RGS4: variants seen among roughly 807,000 people sequenced by gnomAD.
RGS4 encodes schizophrenia disorder 9.
A neutral mutation model predicts 21.6 loss-of-function variants in RGS4; 15 were observed. The observed-to-expected ratio is 0.69, with a 90% CI of 0.46 to 1.07. RGS4 has a LOEUF of 1.07. Among genes scored for constraint, RGS4 ranks in the 50% least tolerant of loss-of-function variants. The probability of loss-of-function intolerance (pLI) is 0.00; values close to 1 mark genes in which losing one functional copy is unlikely to be tolerated. For synonymous variants in RGS4, 94 were observed against 85.5 expected (o/e 1.10, Z -0.55); for missense variants, 237 against 239.0 (o/e 0.99, Z 0.06).
In RGS4 at chr1:163,072,475, A is replaced by C; in HGVS notation, c.125A>C (p.Lys42Thr). 8 of 1,612,838 alleles carry C rather than the reference A, an allele frequency of 5.0e-6. No individual in the cohort carries two copies. The highest frequency in any genetic ancestry group is 6.8e-6 in the Non-Finnish European group (8 of 1,179,098). ...SCEHNSSHNKKDKVVICQRVS... is the reference protein window; with the variant it reads ...SCEHNSSHNKTDKVVICQRVS... ...GAACACAATTCTTCCCACAACAAGA[A>C]GGACAAAGTGGTTATTTGCCAGAGG... is the stretch of plus-strand genomic sequence containing the variant. The change falls in exon 2 of 5, where the codon AAG becomes ACG. Residue 42 changes from lysine to threonine, a missense_variant. Physicochemically the swap from Lys to Thr is moderately conservative, Grantham distance 78. Transcript: ENST00000367909.
chr1:163,074,957 A>G lies in RGS4; in HGVS notation c.*397A>G. The G allele has an allele frequency of 8.0e-6, 4 of 501,522 alleles. No individual in the cohort carries two copies. Among genetic ancestry groups the G allele is most frequent in the Non-Finnish European group, 1.4e-5 (4 of 280,224 alleles). The allele number at this position is 501,522 out of a possible 1,614,324, so 31.1% of individuals were successfully genotyped here. On this transcript the variant is annotated 3_prime_UTR_variant, in exon 5 of 5. Transcript: ENST00000367909. The stretch of plus-strand genomic sequence containing the variant: ...TTCTGTTGGCCAGCACGTTCTCCAG[A>G]CTCTAGATGTTTAGATGAGGTTGAG...
chr1:163,073,483 T>C lies in RGS4; in HGVS notation c.239T>C (p.Leu80Ser), dbSNP rs755719218. ...ECGLAAFKAF[L>S]KSEYSEENID... ...GGGCTGGCAGCTTTCAAAGCTTTCT[T>C]GAAGTCTGAATATAGTGAGGAGAAT... The change falls in exon 4 of 5, where the codon TTG (leucine) becomes TCG (serine). Residue 80 changes from leucine to serine, a missense_variant. Physicochemically the swap from Leu to Ser is moderately radical, Grantham distance 145. Coordinates refer to ENST00000367909, the MANE Select transcript of RGS4 (RefSeq NM_005613.6). The C allele has an allele frequency of 6.3e-7, 1 of 1,591,840 alleles. No individual in the cohort carries two copies. Among genetic ancestry groups the C allele is most frequent in the Admixed American group, 1.9e-5 (1 of 53,688 alleles).
At position 163,072,384 on chromosome 1, in the gene RGS4, C is replaced by A; in HGVS notation, c.45-11C>A. The A allele has an allele frequency of 1.3e-6, 2 of 1,594,852 alleles. No individual in the cohort carries two copies. The highest frequency in any genetic ancestry group is 1.7e-6 in the Non-Finnish European group (2 of 1,164,136). ...TATTACTATTTATTCATTTTTTTCT[C>A]TTCTGTGCAGTGCAAAAGATATGAA... On this transcript the variant is annotated splice_polypyrimidine_tract_variant and intron_variant, in intron 1 of 4. Transcript: ENST00000367909.
chr1:163,074,263 A>C, intron 4 of RGS4, 58 bp from the exon 5 acceptor site: 1 of 1,605,538 alleles, frequency 6.2e-7, no homozygotes, highest in Non-Finnish European at 8.5e-7. Context: ...CAAAGCATAC[A>C]GGCTTGCATC....
At position 163,074,748 on chromosome 1, in the gene RGS4, A is replaced by G; in HGVS notation, c.*188A>G. 1.2e-6 allele frequency: 1 copy of G among 850,716 alleles called. No homozygotes were observed. Among genetic ancestry groups the G allele is most frequent in the Non-Finnish European group, 1.9e-6 (1 of 524,636 alleles). 52.7% of individuals were successfully genotyped at this position (850,716 alleles called of 1,614,324 possible). On this transcript the variant is annotated 3_prime_UTR_variant, in exon 5 of 5. Transcript: ENST00000367909. ...AGCTTTTGGTGTTTGAGTGTTCATC[A>G]GGGTGGGACCCCATTCCAGTCCAAT...
At chr1:163,073,649 T>C in intron 4 of RGS4, 27 bp downstream of exon 4, 2 of 1,470,138 alleles carry the variant, frequency 1.4e-6, no homozygotes, top group Non-Finnish European at 1.9e-6. Flanking sequence ...TACATAAAAA[T>C]TGTACGTATT....
chr1:163,069,608 C>A, intron 1 of RGS4, 80 bp downstream of exon 1: 2 of 1,182,256 alleles, frequency 1.7e-6, no homozygotes, highest in South Asian at 1.4e-5. Flanking sequence ...ACTTACTAAC[C>A]TAGTTCTGTG....
chr1:163,072,850 C>A lies in RGS4; in HGVS notation c.195C>A (p.Asn65Lys), dbSNP rs764391130. The A allele has an allele frequency of 1.2e-6, 2 of 1,613,028 alleles. No homozygotes were observed. Among genetic ancestry groups the A allele is most frequent in the East Asian group, 4.5e-5 (2 of 44,802 alleles). ...AGAAATGGGCTGAATCACTGGAAAA[C>A]CTGATTAGTCATGAATGTAAGTCTG... Reference protein sequence around the residue: ...EVKKWAESLENLISHECGLAA... With the variant: ...EVKKWAESLEKLISHECGLAA... The change falls in exon 3 of 5, where the codon AAC becomes AAA. Residue 65 changes from asparagine (N) to lysine (K), a missense_variant. Transcript: ENST00000367909.
intron 1 of RGS4, among the ~76,000 whole-genome samples, chr1:163,071,744 C>A (rs891512628): frequency 6.7e-6 from 1 of 149,532 alleles, no homozygotes; most frequent in Non-Finnish European, 1.5e-5. Context: ...CCCCAAGAAG[C>A]TGAGGTTTCA....
In RGS4 at chr1:163,074,707, C is replaced by T. The variant is rs536414451; in HGVS notation, c.*147C>T. On this transcript the variant is annotated 3_prime_UTR_variant, in exon 5 of 5. Transcript: ENST00000367909. ...GCCTGCCATGTGTGAGTCACTTCTA[C>T]GCATAAACTAGATATAGCTTTTGGT... The T allele has an allele frequency of 7.5e-5, 85 of 1,137,996 alleles. No homozygotes were observed. In the African/African-American group the frequency reaches 9.2e-4, roughly 12 times the overall value. The allele number at this position is 1,137,996 out of a possible 1,614,324, so 70.5% of individuals were successfully genotyped here.
rs902462176 is a variant in RGS4, at chr1:163,074,683, C to G, written c.*123C>G. The G allele has an allele frequency of 1.1e-5, 15 of 1,395,350 alleles. No individual in the cohort carries two copies. In the Admixed American group the frequency reaches 1.5e-4, roughly 14 times the overall value. The allele number at this position is 1,395,350 out of a possible 1,614,324, so 86.4% of individuals were successfully genotyped here. ...ACATTGTAGCCTAATATTCATGCTGCCTGCCATGTGTGAGTCACTTCTACG... is the reference window on the plus strand; with the variant it reads ...ACATTGTAGCCTAATATTCATGCTGGCTGCCATGTGTGAGTCACTTCTACG... On this transcript the variant is annotated 3_prime_UTR_variant, in exon 5 of 5. Transcript: ENST00000367909.
At chr1:163,069,236 T>C, upstream of RGS4, 1 of 1,541,410 alleles carries the variant, frequency 6.5e-7, no homozygotes. Context: ...AGTCTTTTCT[T>C]CCTCATCTCT....
chr1:163,076,186 A>C lies in RGS4; in HGVS notation c.*1626A>C, dbSNP rs948331091. The C allele has an allele frequency of 6.6e-6, 1 of 152,600 alleles. No homozygotes were observed. The highest frequency in any genetic ancestry group is 2.4e-5 in the African/African-American group (1 of 41,450). 9.5% of individuals were successfully genotyped at this position (152,600 alleles called of 1,614,324 possible). A position where few individuals can be genotyped will look rare whatever the true frequency, so the allele number is the denominator to read the frequency against. ...TTCTTCTAAAACTACTGCCTTTCAAAGTGCACACACACGCGTCCACATACA... is the reference window on the plus strand; with the variant it reads ...TTCTTCTAAAACTACTGCCTTTCAACGTGCACACACACGCGTCCACATACA... On this transcript the variant is annotated 3_prime_UTR_variant, in exon 5 of 5. Coordinates refer to ENST00000367909, the MANE Select transcript of RGS4 (RefSeq NM_005613.6).
Position 163,075,090 on chromosome 1 carries a change from T to A in RGS4, c.*530T>A, listed in dbSNP as rs1571164423. 1 of 116,536 alleles carries A rather than the reference T, an allele frequency of 8.6e-6. No homozygotes were observed. Among genetic ancestry groups the A allele is most frequent in the East Asian group, 2.0e-4 (1 of 5,106 alleles). The allele number at this position is 116,536 out of a possible 1,614,324, so 7.2% of individuals were successfully genotyped here. A position where few individuals can be genotyped will look rare whatever the true frequency, so the allele number is the denominator to read the frequency against. On this transcript the variant is annotated 3_prime_UTR_variant, in exon 5 of 5. Transcript: ENST00000367909. Reference sequence around the variant, plus strand: ...ATGTCTGTGTATACATATGTATGTGTGAGTGTATGTATACACACACACACA... The same window carrying A: ...ATGTCTGTGTATACATATGTATGTGAGAGTGTATGTATACACACACACACA...
chr1:163,069,224 T>C, upstream of RGS4: 1 of 1,535,074 alleles, frequency 6.5e-7, no homozygotes, highest in Non-Finnish European at 8.8e-7. Context: ...TGCTGATGCG[T>C]CAGTCTTTTC....
At position 163,072,196 on chromosome 1, in the gene RGS4, C is replaced by G. The variant is rs1401121208; in HGVS notation, c.45-199C>G. On this transcript the variant is annotated intron_variant, in intron 1 of 4. Coordinates refer to ENST00000367909, the MANE Select transcript of RGS4 (RefSeq NM_005613.6). ...GTGGATGAAGGAAATGGTGTTATGA[C>G]TGCCTCAAGGTTTTGTAGCAAGTCA... The G allele has an allele frequency of 9.7e-6, 10 of 1,025,838 alleles. No homozygotes were observed. In the South Asian group the frequency reaches 1.3e-4, roughly 13 times the overall value. The allele number at this position is 1,025,838 out of a possible 1,614,324, so 63.5% of individuals were successfully genotyped here.
Position 163,074,482 on chromosome 1 carries a change from G to C in RGS4, c.540G>C (p.Pro180=). 2.5e-6 allele frequency: 4 copies of C among 1,613,866 alleles called. No homozygotes were observed. The highest frequency in any genetic ancestry group is 3.4e-6 in the Non-Finnish European group (4 of 1,179,842). Residue 180 remains proline (P), a synonymous_variant, in exon 5 of 5, where the codon CCG becomes CCC. Coordinates refer to ENST00000367909, the MANE Select transcript of RGS4 (RefSeq NM_005613.6). ...GATTCTATCTTGATTTGGTCAACCCGTCCAGCTGTGGGGCAGAAAAGCAGA... is the reference window on the plus strand; with the variant it reads ...GATTCTATCTTGATTTGGTCAACCCCTCCAGCTGTGGGGCAGAAAAGCAGA... The part of the protein sequence containing the change: ...KSRFYLDLVN[P]SSCGAEKQKG...
At chr1:163,073,140 C>T (rs12720479) in intron 3 of RGS4, among the ~76,000 whole-genome samples, 67 of 152,290 alleles carry the variant, frequency 4.4e-4, no homozygotes, top group Middle Eastern at 3.4e-3. Context: ...TCAATACCTT[C>T]TTGCAAAATC....
intron 1 of RGS4, among the ~76,000 whole-genome samples, chr1:163,071,250 G>A (rs945385241): frequency 2.0e-5 from 3 of 152,042 alleles, no homozygotes; most frequent in Non-Finnish European, 2.9e-5. Flanking sequence ...GTAATCTTGC[G>A]AGGAAGAGAA....
Sources: allele counts gnomAD v4.1 joint callset (sites outside exome capture counted in the v4.1 genomes callset), GRCh38; gene constraint gnomAD v4.1.1; transcripts MANE v1.5; gene names NCBI Gene and HGNC (gene_info 2026-07-23, HGNC 2026-07-21).